ZNF827: variants seen among roughly 807,000 people sequenced by gnomAD.
ZNF827 encodes the protein zinc finger protein 827.
In ZNF827, 13 loss-of-function variants were observed where a neutral mutation model predicts 102.4. That is an observed-to-expected ratio of 0.13 (90% CI 0.08 to 0.20). The LOEUF is 0.20. Among genes scored for constraint, ZNF827 ranks in the 10% least tolerant of loss-of-function variants. The probability of loss-of-function intolerance (pLI) is 1.00; values close to 1 mark genes in which losing one functional copy is unlikely to be tolerated. For synonymous variants in ZNF827, 523 were observed against 536.2 expected (o/e 0.98, Z 0.34); for missense variants, 1,103 against 1,344.4 (o/e 0.82, Z 2.81).
intron 8 of ZNF827, among the ~76,000 whole-genome samples, chr4:145,783,362 T>A (rs938901851): frequency 6.6e-6 from 1 of 152,252 alleles, no homozygotes; most frequent in African/African-American, 2.4e-5. Flanking sequence ...CTATGGCCAA[T>A]TCAGAATGAA....
intron 5 of ZNF827, among the ~76,000 whole-genome samples, chr4:145,866,068 G>T (rs557396084): frequency 1.3e-5 from 2 of 152,146 alleles, no homozygotes; most frequent in African/African-American, 2.4e-5. Flanking sequence ...GGTGAGGAAG[G>T]GGGTGGTTCC....
intron 5 of ZNF827, among the ~76,000 whole-genome samples, chr4:145,857,724 G>GTT (rs1237064445): frequency 3.9e-5 from 6 of 152,138 alleles, no homozygotes; most frequent in Admixed American, 1.3e-4. Flanking sequence ...ATGTCGGGTG[G>GTT]CTCAGTCATT....
chr4:145,819,579 A>C (rs150318569), intron 8 of ZNF827, among the ~76,000 whole-genome samples: 31 of 152,324 alleles, frequency 2.0e-4, no homozygotes, highest in African/African-American at 6.7e-4. Context: ...ACTATAAATT[A>C]AATAAAGTAC....
rs950086197 is a variant in ZNF827, at chr4:145,863,721, G to C, written c.1981+6524C>G. 4.8e-5 allele frequency among the ~76,000 whole-genome samples: 7 copies of C among 145,600 alleles called. No homozygotes were observed. The South Asian group carries it at 1.4e-3, about 28-fold the overall frequency. The stretch of plus-strand genomic sequence containing the variant: ...ACAGTAGATTCATGGTTGCCTGGGT[G>C]GGGGGTGGAGGTGGTGGGGATAGAG... On this transcript the variant is annotated intron_variant, in intron 5 of 14. Coordinates refer to ENST00000508784, the MANE Select transcript of ZNF827 (RefSeq NM_001306215.2).
chr4:145,923,880 G>A (rs1753246336), intron 1 of ZNF827, among the ~76,000 whole-genome samples: 1 of 152,154 alleles, frequency 6.6e-6, no homozygotes, highest in South Asian at 2.1e-4. Context: ...GAGTTTAGGG[G>A]TCCTGGTAAA....
At chr4:145,771,202 C>T (rs1007081539) in intron 11 of ZNF827, among the ~76,000 whole-genome samples, 10 of 151,964 alleles carry the variant, frequency 6.6e-5, no homozygotes, top group Non-Finnish European at 1.5e-5. Context: ...TTTTTCAGAC[C>T]CAGGTTTTGG....
chr4:145,884,879 T>C (rs1256940292), intron 4 of ZNF827, among the ~76,000 whole-genome samples: 1 of 152,184 alleles, frequency 6.6e-6, no homozygotes, highest in Non-Finnish European at 1.5e-5. Flanking sequence ...AAATGTGTTT[T>C]TAAATTCCAC....
At chr4:145,851,896 C>A (rs1340594653) in intron 5 of ZNF827, among the ~76,000 whole-genome samples, 5 of 152,224 alleles carry the variant, frequency 3.3e-5, no homozygotes, top group African/African-American at 1.2e-4. Context: ...TCCTGGAGAA[C>A]TGATCTTCCT....
At chr4:145,920,724 C>T (rs1753006135) in intron 1 of ZNF827, among the ~76,000 whole-genome samples, 1 of 152,234 alleles carries the variant, frequency 6.6e-6, no homozygotes, top group Non-Finnish European at 1.5e-5. Context: ...ATTCATTCAG[C>T]AGTGTTTATG....
intron 7 of ZNF827, chr4:145,831,258 C>T (rs1744183407): frequency 6.6e-6 from 1 of 152,154 alleles, no homozygotes; most frequent in African/African-American, 2.4e-5. Flanking sequence ...TGTATTTGAC[C>T]ATACAAGGGA....
Position 145,762,416 on chromosome 4 carries a change from C to T in ZNF827, c.*17+674G>A, listed in dbSNP as rs777233986. ...TTATGCCGGAGATAGGATAATAATC[C>T]AACTGGATTGGAAATTCTCAGAGGG... On this transcript the variant is annotated intron_variant, in intron 14 of 14. Transcript: ENST00000508784. This position sits in a 1 kb window ranked among gnomAD's most constrained non-coding sequence, Gnocchi z 4.9. 1.3e-5 allele frequency among the ~76,000 whole-genome samples: 2 copies of T among 152,122 alleles called. No homozygotes were observed. The highest frequency in any genetic ancestry group is 1.3e-4 in the Admixed American group (2 of 15,272).
At chr4:145,857,253 G>A (rs1028580155) in intron 5 of ZNF827, among the ~76,000 whole-genome samples, 13 of 152,142 alleles carry the variant, frequency 8.5e-5, no homozygotes, top group African/African-American at 2.7e-4. Flanking sequence ...AGAAGCACCA[G>A]GTATTCTATT....
Position 145,920,524 on chromosome 4 carries a change from C to T in ZNF827, c.44-17309G>A, listed in dbSNP as rs1252627893. Among the ~76,000 whole-genome samples, 5 of 152,350 alleles carry T rather than the reference C, an allele frequency of 3.3e-5. No homozygotes were observed. In the South Asian group the frequency reaches 1.0e-3, roughly 32 times the overall value. On this transcript the variant is annotated intron_variant, in intron 1 of 14. Transcript: ENST00000508784. ...GGGAGGAGAAGCATGTGACTCCCTC[C>T]AGTCATCTCCAGGCTACATTCACGC...
chr4:145,763,162 C>T lies in ZNF827; in HGVS notation c.3231-40G>A. ...AAATAATAGTATAATCTTATTTGAT[C>T]TGCATTATGAACAGGATATAGAGTA... is the stretch of plus-strand genomic sequence containing the variant. On this transcript the variant is annotated intron_variant, in intron 13 of 14. Transcript: ENST00000508784. This position sits in a 1 kb window ranked among gnomAD's most constrained non-coding sequence, Gnocchi z 4.6. 1 of 1,533,498 alleles carries T rather than the reference C, an allele frequency of 6.5e-7. No homozygotes were observed. Among genetic ancestry groups the T allele is most frequent in the South Asian group, 1.2e-5 (1 of 83,888 alleles). The allele number at this position is 1,533,498 out of a possible 1,614,324, so 95.0% of individuals were successfully genotyped here.
Position 145,892,425 on chromosome 4 carries a change from A to G in ZNF827, c.1094-10T>C. The G allele has an allele frequency of 6.2e-7, 1 of 1,607,330 alleles. No homozygotes were observed. The highest frequency in any genetic ancestry group is 8.5e-7 in the Non-Finnish European group (1 of 1,176,278). On this transcript the variant is annotated splice_polypyrimidine_tract_variant and intron_variant, in intron 2 of 14. Transcript: ENST00000508784. Reference sequence around the variant, plus strand: ...CTTTCCTCTTCTGAGGCTTGGAAGAAGGAGAAAGAAAGGACCATTAAGGAA... The same window carrying G: ...CTTTCCTCTTCTGAGGCTTGGAAGAGGGAGAAAGAAAGGACCATTAAGGAA...
chr4:145,772,870 G>C (rs959043490), intron 11 of ZNF827, among the ~76,000 whole-genome samples: 8 of 152,204 alleles, frequency 5.3e-5, no homozygotes, highest in Non-Finnish European at 4.4e-5. Context: ...CAAGATCTTT[G>C]CTTCATTCCC....
intron 1 of ZNF827, among the ~76,000 whole-genome samples, chr4:145,929,167 C>T (rs1753635822): frequency 6.6e-6 from 1 of 152,174 alleles, no homozygotes; most frequent in Admixed American, 6.5e-5. Flanking sequence ...TATACACAAC[C>T]CCATCCTTCA....
chr4:145,855,313 A>G (rs1746966200), intron 5 of ZNF827, among the ~76,000 whole-genome samples: 1 of 152,224 alleles, frequency 6.6e-6, no homozygotes, highest in South Asian at 2.1e-4. Context: ...AGGCTTTTCA[A>G]TGGGATAAAT....
chr4:145,884,844 T>A (rs960795765), intron 4 of ZNF827, among the ~76,000 whole-genome samples: 3 of 152,236 alleles, frequency 2.0e-5, no homozygotes, highest in Non-Finnish European at 4.4e-5. Context: ...CAGGGCAGTT[T>A]TTTTAAAAAA....
Sources: gnomAD v4.1 joint callset for allele counts (sites outside exome capture counted in the v4.1 genomes callset) on GRCh38, gnomAD v4.1.1 for gene constraint, Gnocchi (gnomAD v3.1) non-coding constraint, MANE v1.5 for transcripts, NCBI Gene and HGNC (gene_info 2026-07-23, HGNC 2026-07-21) for gene names.